The following SCAF8 variants were observed in gnomAD, a reference collection of about 807,000 sequenced individuals.
SCAF8 encodes SR-related and CTD-associated factor 8.
In SCAF8, 23 loss-of-function variants were observed where a neutral mutation model predicts 140.5. The ratio of observed to expected loss-of-function variants is 0.16; its 90% CI spans 0.12 to 0.23. The LOEUF (loss-of-function observed/expected upper bound fraction) is 0.23, where lower values mean the gene tolerates loss of function less well. Among genes scored for constraint, SCAF8 ranks in the 10% least tolerant of loss-of-function variants. The pLI is 1.00. For missense variants in SCAF8, 1,397 were observed against 1,555.7 expected, an observed-to-expected ratio of 0.90 and a Z score of 1.72; for synonymous variants, 575 against 528.9, an observed-to-expected ratio of 1.09 and a Z score of -1.20.
In SCAF8 at chr6:154,832,965, G is replaced by T; in HGVS notation, c.3386G>T (p.Arg1129Leu). The change falls in exon 20 of 20, where the codon CGA becomes CTA. Residue 1129 changes from arginine to leucine, a missense_variant. Transcript: ENST00000367178. ...GGTAGATTTCGGTCTGGAAACTATC[G>T]ATTTGATCCTAGAAGTGGTCCTTGG... Reference protein sequence around the residue: ...ERGRFRSGNYRFDPRSGPWNR... With the variant: ...ERGRFRSGNYLFDPRSGPWNR... 6.2e-7 allele frequency: 1 copy of T among 1,614,090 alleles called. No homozygotes were observed. The highest frequency in any genetic ancestry group is 8.5e-7 in the Non-Finnish European group (1 of 1,180,010).
intron 11 of SCAF8, among the ~76,000 whole-genome samples, chr6:154,809,579 AGT>A (rs1469045682): frequency 3.3e-5 from 5 of 152,208 alleles, no homozygotes; most frequent in African/African-American, 1.2e-4. Context: ...CAAAAAAGAA[AGT>A]GTTTCAGTGT....
chr6:154,766,201 G>C (rs1039091635), intron 1 of SCAF8, among the ~76,000 whole-genome samples: 1 of 152,060 alleles, frequency 6.6e-6, no homozygotes, highest in Non-Finnish European at 1.5e-5. Context: ...AGGGAAAGAG[G>C]AGTGATTGGT....
intron 1 of SCAF8, 54 bp downstream of exon 1, chr6:154,733,984 G>T (rs1045652367): frequency 1.2e-5 from 18 of 1,475,008 alleles, no homozygotes; most frequent in African/African-American, 1.5e-5. Context: ...CCCACCCCTG[G>T]TCGAGGCCGG....
intron 5 of SCAF8, among the ~76,000 whole-genome samples, chr6:154,793,332 C>G (rs1291117313): frequency 6.6e-6 from 1 of 151,630 alleles, no homozygotes; most frequent in African/African-American, 2.4e-5. Context: ...TTTAAGAAAC[C>G]CTGAAACAAT....
intron 1 of SCAF8, among the ~76,000 whole-genome samples, chr6:154,740,151 A>G (rs938699364): frequency 6.6e-6 from 1 of 152,138 alleles, no homozygotes; most frequent in Non-Finnish European, 1.5e-5. Context: ...TAGTATTATA[A>G]AGGAAGGAAG....
At chr6:154,737,560 C>T (rs1778456783) in intron 1 of SCAF8, among the ~76,000 whole-genome samples, 1 of 152,024 alleles carries the variant, frequency 6.6e-6, no homozygotes, top group Admixed American at 6.6e-5. Flanking sequence ...TGGCATGTGC[C>T]TGTAGTCCCA....
chr6:154,738,250 CTG>C (rs1778480343), intron 1 of SCAF8, among the ~76,000 whole-genome samples: 1 of 151,506 alleles, frequency 6.6e-6, no homozygotes, highest in Non-Finnish European at 1.5e-5. Flanking sequence ...AATCTGCAAA[CTG>C]TGGATGAGTT....
intron 3 of SCAF8, among the ~76,000 whole-genome samples, chr6:154,781,624 GT>G (rs1777087503): frequency 6.6e-6 from 1 of 152,094 alleles, no homozygotes; most frequent in Non-Finnish European, 1.5e-5. Flanking sequence ...GAGACATATG[GT>G]TTCCTTACTT....
chr6:154,792,338 C>G (rs1350275504), intron 4 of SCAF8, among the ~76,000 whole-genome samples: 1 of 152,160 alleles, frequency 6.6e-6, no homozygotes, highest in Non-Finnish European at 1.5e-5. Flanking sequence ...AATGCCCTCT[C>G]CTCAAGTAGA....
chr6:154,742,155 G>A (rs969040781), intron 1 of SCAF8: 9 of 561,114 alleles, frequency 1.6e-5, no homozygotes, highest in Admixed American at 3.1e-5. Flanking sequence ...TAGATTGGTA[G>A]TCTTAAAAGA....
intron 13 of SCAF8, among the ~76,000 whole-genome samples, chr6:154,818,061 G>A (rs1164298775): frequency 2.6e-5 from 4 of 152,066 alleles, no homozygotes; most frequent in Non-Finnish European, 4.4e-5. Flanking sequence ...ATAACATTTG[G>A]AAAAATTGAA....
rs530192155 is a variant in SCAF8 at position 154,818,243 on chromosome 6, G to A, written c.1522-236G>A. 1.1e-4 allele frequency among the ~76,000 whole-genome samples: 16 copies of A among 151,904 alleles called. No homozygotes were observed. The South Asian group carries it at 1.2e-3, about 12-fold the overall frequency. ...TGATATTTAAGATTTCACATTTATC[G>A]TGGCTTATGATACCTAATTGAGTTC... On this transcript the variant is annotated intron_variant, in intron 13 of 19. Coordinates refer to ENST00000367178, the MANE Select transcript of SCAF8 (RefSeq NM_014892.5).
intron 4 of SCAF8, among the ~76,000 whole-genome samples, chr6:154,789,728 T>C (rs2114873508): frequency 6.6e-6 from 1 of 151,766 alleles, no homozygotes; most frequent in South Asian, 2.1e-4. Flanking sequence ...TGTATTTTTA[T>C]TGGAGACAGG....
chr6:154,807,604 C>A (rs1413616886), intron 9 of SCAF8, among the ~76,000 whole-genome samples: 1 of 152,208 alleles, frequency 6.6e-6, no homozygotes, highest in Non-Finnish European at 1.5e-5. Context: ...TGGTCTTGAA[C>A]TTCTCACCTC....
chr6:154,755,957 G>C (rs1778956503), intron 1 of SCAF8, among the ~76,000 whole-genome samples: 2 of 152,278 alleles, frequency 1.3e-5, no homozygotes, highest in South Asian at 4.1e-4. Flanking sequence ...AATGTAAATA[G>C]CCTGGAAGCG....
chr6:154,774,131 A>T, intron 2 of SCAF8, 59 bp downstream of exon 2: 1 of 1,074,886 alleles, frequency 9.3e-7, no homozygotes, highest in East Asian at 2.4e-5. Flanking sequence ...AATAGTTTGG[A>T]TGGGGGATAA....
intron 3 of SCAF8, among the ~76,000 whole-genome samples, chr6:154,778,769 ATGTGTGTGTGTGTGTGTG>A (rs71021079): frequency 4.2e-5 from 6 of 142,060 alleles, no homozygotes; most frequent in South Asian, 2.3e-4. Context: ...GTCTCAAAAA[ATGTGTGTGTGTGTGTGTG>A]TGTGTGTGTG....
chr6:154,757,889 G>A (rs535298739), intron 1 of SCAF8, among the ~76,000 whole-genome samples: 51 of 151,906 alleles, frequency 3.4e-4, no homozygotes, highest in Admixed American at 8.5e-4. Flanking sequence ...GATTCCCTGG[G>A]GTATGTGAAG....
intron 11 of SCAF8, 27 bp downstream of exon 11, chr6:154,808,825 C>T (rs1432310985): frequency 1.1e-5 from 15 of 1,403,934 alleles, no homozygotes; most frequent in East Asian, 4.6e-5. Context: ...TAATAATAGC[C>T]GTGTGTGAAC....
Sources: gnomAD v4.1 joint callset for allele counts (sites outside exome capture counted in the v4.1 genomes callset) on GRCh38, gnomAD v4.1.1 for gene constraint, MANE v1.5 for transcripts, NCBI Gene and HGNC (gene_info 2026-07-23, HGNC 2026-07-21) for gene names.